The following KLHL15 variants were observed in gnomAD, a reference collection of about 807,000 sequenced individuals.
KLHL15 encodes the protein kelch-like protein 15.
Under a neutral mutation model 29.3 loss-of-function variants are expected in KLHL15, and 1 was observed. The observed-to-expected ratio is 0.03, with a 90% CI of 0.01 to 0.16. The LOEUF (loss-of-function observed/expected upper bound fraction) is 0.16. KLHL15 is among the 10% of genes least tolerant of loss of function. KLHL15 has a pLI of 1.00. For synonymous variants in KLHL15, 212 were observed against 184.5 expected (o/e 1.15, Z -1.21); for missense variants, 215 against 478.5 (o/e 0.45, Z 5.14).
At chrX:24,013,503 A>G (rs1929615616) in intron 2 of KLHL15, among the ~76,000 whole-genome samples, 1 of 110,340 alleles carries the variant, frequency 9.1e-6, no homozygotes, top group African/African-American at 3.3e-5. Context: ...ACCTCGAGAG[A>G]TCTGCCTGCC....
Position 23,999,953 on chromosome X carries a change from A to G in KLHL15, c.705+6036T>C, listed in dbSNP as rs113410362. ...GCAAAAAGGAGTCCGATGCAGAAAA[A>G]GACATTAAGTTAACTGAGAAAGTAC... On this transcript the variant is annotated intron_variant, in intron 3 of 3. Coordinates refer to ENST00000328046, the MANE Select transcript of KLHL15 (RefSeq NM_030624.3). Among the ~76,000 whole-genome samples, 1,114 of 112,234 alleles carry G rather than the reference A, an allele frequency of 9.9e-3. 18 individuals are homozygous for G. Among genetic ancestry groups the G allele is most frequent in the African/African-American group, 0.034 (1,044 of 30,949 alleles).
intron 3 of KLHL15, among the ~76,000 whole-genome samples, chrX:23,991,948 ATCTTTT>A (rs941320780): frequency 1.8e-5 from 2 of 112,361 alleles, no homozygotes; most frequent in African/African-American, 6.5e-5. Flanking sequence ...GATTTTTCTC[ATCTTTT>A]TCTTATTGAG....
intron 2 of KLHL15, among the ~76,000 whole-genome samples, chrX:24,019,927 A>G (rs975589548): frequency 8.9e-6 from 1 of 112,569 alleles, no homozygotes; most frequent in African/African-American, 3.2e-5. Flanking sequence ...TTTGTGCCAT[A>G]AGCAATAATT....
intron 2 of KLHL15, among the ~76,000 whole-genome samples, chrX:24,023,702 A>G (rs1296155836): frequency 8.9e-6 from 1 of 112,449 alleles, no homozygotes; most frequent in Non-Finnish European, 1.9e-5. Flanking sequence ...TCAGCAATGA[A>G]GAGTGCAAGT....
At chrX:23,994,859 T>C (rs6629785) in intron 3 of KLHL15, among the ~76,000 whole-genome samples, 20,021 of 110,889 alleles carry the variant, frequency 0.18, 1,526 homozygotes, top group South Asian at 0.53. Flanking sequence ...TTTAATAAAA[T>C]AGAGATTGGG....
rs923628987 is a variant in KLHL15, at chrX:23,988,548, A to C, written c.1188T>G (p.Thr396=). 1.7e-5 allele frequency: 21 copies of C among 1,210,105 alleles called. No individual in the cohort carries two copies. Among genetic ancestry groups the C allele is most frequent in the Non-Finnish European group, 2.3e-5 (21 of 895,307 alleles). The change falls in exon 4 of 4, where the codon ACT becomes ACG. Residue 396 remains threonine, a synonymous_variant. Transcript: ENST00000328046. ...TATCGTTGGTGATGTCATATCTCTC[A>C]GTTGAATAGAAAGTCTCATCTCTGG... ...GRTRDETFYS[T]ERYDITNDKW...
chrX:24,001,844 T>C (rs756692644), intron 3 of KLHL15, among the ~76,000 whole-genome samples: 3 of 71,076 alleles, frequency 4.2e-5, no homozygotes, highest in East Asian at 4.7e-4. Context: ...GAAAAAAATA[T>C]ATATATAGGT....
chrX:24,009,139 A>G (rs1178932471), intron 2 of KLHL15, among the ~76,000 whole-genome samples: 2 of 111,250 alleles, frequency 1.8e-5, no homozygotes, highest in African/African-American at 6.5e-5. Flanking sequence ...CAGGCGGATC[A>G]CTTGAGATCA....
chrX:24,007,311 G>A (rs1428312023), intron 2 of KLHL15, among the ~76,000 whole-genome samples: 2 of 107,756 alleles, frequency 1.9e-5, no homozygotes, highest in African/African-American at 3.4e-5. Context: ...TGATCAATAC[G>A]ATGAAACTCC....
chrX:23,999,594 CAAAA>C (rs57473929), intron 3 of KLHL15, among the ~76,000 whole-genome samples: 1 of 55,458 alleles, frequency 1.8e-5, no homozygotes. Context: ...GACTCCGTCT[CAAAA>C]AAAAAAAAAA....
intron 2 of KLHL15, among the ~76,000 whole-genome samples, chrX:24,023,275 A>C (rs1374353213): frequency 9.0e-6 from 1 of 111,291 alleles, no homozygotes; most frequent in East Asian, 2.8e-4. Flanking sequence ...TGAAATCCCC[A>C]ATAAAGCAAT....
At chrX:24,005,952 A>G in intron 3 of KLHL15, 37 bp downstream of exon 3, 1 of 1,055,965 alleles carries the variant, frequency 9.5e-7, no homozygotes, top group Non-Finnish European at 1.3e-6. Flanking sequence ...CCTTAACTAA[A>G]TGATGAGTAC....
intron 3 of KLHL15, among the ~76,000 whole-genome samples, 156 bp downstream of exon 3, chrX:24,005,833 T>G (rs73625200): frequency 0.028 from 3,134 of 111,919 alleles, 119 homozygotes; most frequent in African/African-American, 0.096. Context: ...TTCTTATACA[T>G]AAAGTACTCT....
intron 3 of KLHL15, among the ~76,000 whole-genome samples, chrX:23,991,123 C>T (rs1483863135): frequency 1.8e-5 from 2 of 108,952 alleles, no homozygotes; most frequent in African/African-American, 6.7e-5. Context: ...GAGGCTGAGG[C>T]GGGCAGATTA....
intron 2 of KLHL15, among the ~76,000 whole-genome samples, chrX:24,018,298 G>A (rs1031587057): frequency 1.3e-4 from 15 of 111,861 alleles, no homozygotes; most frequent in African/African-American, 4.5e-4. Flanking sequence ...TTAAATGAGT[G>A]CTGGAGGAAA....
intron 2 of KLHL15, among the ~76,000 whole-genome samples, chrX:24,014,456 C>T (rs544708806): frequency 2.7e-4 from 30 of 110,774 alleles, no homozygotes; most frequent in Non-Finnish European, 4.3e-4. Flanking sequence ...CTAATATTCA[C>T]GTTTCTGAAA....
intron 3 of KLHL15, among the ~76,000 whole-genome samples, chrX:23,990,695 A>T (rs1334872579): frequency 9.0e-6 from 1 of 110,796 alleles, no homozygotes; most frequent in African/African-American, 3.3e-5. Context: ...GAAATGTCTA[A>T]GAGCCTGTTG....
Position 23,984,595 on chromosome X carries a change from T to G in KLHL15, c.*3326A>C, listed in dbSNP as rs749905189. 9.8e-5 allele frequency: 11 copies of G among 112,624 alleles called. 1 individual carries two copies. In the East Asian group the frequency reaches 2.2e-3, roughly 23 times the overall value. 9.3% of individuals were successfully genotyped at this position (112,624 alleles called of 1,213,427 possible). On this transcript the variant is annotated 3_prime_UTR_variant, in exon 4 of 4. Coordinates refer to ENST00000328046, the MANE Select transcript of KLHL15 (RefSeq NM_030624.3). The stretch of plus-strand genomic sequence containing the variant: ...AAAAGAGCTAGTCTCCTCTGAGAGA[T>G]AGCTTATAAACTGAAATAACAATTT...
intron 2 of KLHL15, among the ~76,000 whole-genome samples, chrX:24,013,685 T>C (rs190458975): frequency 1.4e-4 from 16 of 110,953 alleles, no homozygotes; most frequent in Admixed American, 1.1e-3. Context: ...AAGAAGGCTA[T>C]CAACATCACA....
Sources: gnomAD v4.1 joint callset for allele counts (sites outside exome capture counted in the v4.1 genomes callset) on GRCh38, gnomAD v4.1.1 for gene constraint, MANE v1.5 for transcripts, NCBI Gene and HGNC (gene_info 2026-07-23, HGNC 2026-07-21) for gene names.